GPR39: variants seen among roughly 807,000 people sequenced by gnomAD.
GPR39 encodes G protein-coupled receptor 39, also known as zinc sensing receptor.
Under a neutral mutation model 18.4 loss-of-function variants are expected in GPR39, and 23 were observed. That is an observed-to-expected ratio of 1.25 (90% CI 0.90 to 1.77). GPR39 has a LOEUF of 1.77. Among genes scored for constraint, GPR39 ranks in the 40% most tolerant of loss-of-function variants. GPR39 has a pLI of 0.00. For synonymous variants in GPR39, 280 were observed against 257.9 expected, an observed-to-expected ratio of 1.09 and a Z score of -0.82; for missense variants, 647 against 602.4, an observed-to-expected ratio of 1.07 and a Z score of -0.78.
intron 1 of GPR39, among the ~76,000 whole-genome samples, chr2:132,439,168 T>G (rs1680387771): frequency 6.6e-6 from 1 of 152,216 alleles, no homozygotes; most frequent in Non-Finnish European, 1.5e-5. Context: ...TGAAATTTGA[T>G]TTAAAGCAGC....
intron 1 of GPR39, among the ~76,000 whole-genome samples, chr2:132,567,496 C>T (rs1056761736): frequency 5.3e-5 from 8 of 152,164 alleles, no homozygotes; most frequent in African/African-American, 1.4e-4. Context: ...TCTCTCTGTG[C>T]GATGCCCTGC....
intron 1 of GPR39, among the ~76,000 whole-genome samples, chr2:132,575,509 T>C (rs1680514549): frequency 6.6e-6 from 1 of 152,236 alleles, no homozygotes; most frequent in Admixed American, 6.5e-5. Flanking sequence ...TGTGTTTACT[T>C]TTTAAAGCAA....
At chr2:132,418,731 A>G (rs2315383) in intron 1 of GPR39, among the ~76,000 whole-genome samples, 33,265 of 152,174 alleles carry the variant, frequency 0.22, 3,816 homozygotes, top group African/African-American at 0.27. Context: ...CAGAAGAGGG[A>G]CCTAGTGGCT....
intron 1 of GPR39, among the ~76,000 whole-genome samples, chr2:132,418,984 TGA>T (rs1000248391): frequency 6.6e-6 from 1 of 152,088 alleles, no homozygotes; most frequent in Non-Finnish European, 1.5e-5. Context: ...GAGGTAGACA[TGA>T]GAGAGAGTTG....
chr2:132,638,078 CA>C (rs2104876443), intron 1 of GPR39, among the ~76,000 whole-genome samples: 1 of 148,072 alleles, frequency 6.8e-6, no homozygotes, highest in East Asian at 2.0e-4. Flanking sequence ...GAAATGGAAG[CA>C]AAAAAGGAAA....
intron 1 of GPR39, among the ~76,000 whole-genome samples, chr2:132,514,689 C>T (rs1247141478): frequency 6.6e-6 from 1 of 152,112 alleles, no homozygotes; most frequent in Non-Finnish European, 1.5e-5. Context: ...CCTCTCTACA[C>T]CGTGGAAGAG....
intron 1 of GPR39, among the ~76,000 whole-genome samples, chr2:132,451,068 G>A (rs1188975821): frequency 6.6e-6 from 1 of 152,178 alleles, no homozygotes; most frequent in East Asian, 1.9e-4. Flanking sequence ...TCTGGGAAGA[G>A]GTAGAGGGGA....
intron 1 of GPR39, among the ~76,000 whole-genome samples, chr2:132,536,580 A>G (rs1260652234): frequency 6.6e-6 from 1 of 152,198 alleles, no homozygotes; most frequent in Non-Finnish European, 1.5e-5. Flanking sequence ...GATGTCTATT[A>G]TGTCCACTTG....
chr2:132,514,863 C>G (rs1211350726), intron 1 of GPR39, among the ~76,000 whole-genome samples: 1 of 152,056 alleles, frequency 6.6e-6, no homozygotes, highest in Admixed American at 6.5e-5. Context: ...TTTTTTCTCT[C>G]TGAGTTCTTG....
chr2:132,572,537 T>TA (rs34493979), intron 1 of GPR39, among the ~76,000 whole-genome samples: 4,972 of 132,788 alleles, frequency 0.037, 160 homozygotes, highest in East Asian at 0.16. Flanking sequence ...TAGAAGAGAT[T>TA]AAAAAAAAAA....
In GPR39 at chr2:132,436,967, A is replaced by T. The variant is rs192599421; in HGVS notation, c.856+19069A>T. Among the ~76,000 whole-genome samples, 504 of 152,326 alleles carry T rather than the reference A, an allele frequency of 3.3e-3. 3 individuals are homozygous for T. The highest frequency in any genetic ancestry group is 0.011 in the African/African-American group (456 of 41,564). ...ATTCATTGAATTCTCCCAAGGCCCT[A>T]TGAGGCAGGTGCAGTTAATTATCCT... On this transcript the variant is annotated intron_variant, in intron 1 of 1. Coordinates refer to ENST00000329321, the MANE Select transcript of GPR39 (RefSeq NM_001508.3).
intron 1 of GPR39, among the ~76,000 whole-genome samples, chr2:132,618,584 C>G (rs975511090): frequency 6.6e-6 from 1 of 151,840 alleles, no homozygotes; most frequent in Non-Finnish European, 1.5e-5. Context: ...TGCCAAGGAG[C>G]CCAGGGAAAC....
intron 1 of GPR39, among the ~76,000 whole-genome samples, chr2:132,566,243 G>A (rs1274545547): frequency 6.8e-6 from 1 of 147,092 alleles, no homozygotes; most frequent in Non-Finnish European, 1.5e-5. Context: ...CTTTTTGATG[G>A]GGTTGTTTGT....
At chr2:132,628,898 G>A (rs1207555453) in intron 1 of GPR39, among the ~76,000 whole-genome samples, 2 of 152,124 alleles carry the variant, frequency 1.3e-5, no homozygotes, top group African/African-American at 2.4e-5. Flanking sequence ...CTACTCTGCT[G>A]TACTAGGCAT....
At chr2:132,448,847 C>G (rs1335644739) in intron 1 of GPR39, among the ~76,000 whole-genome samples, 2 of 152,146 alleles carry the variant, frequency 1.3e-5, no homozygotes, top group Admixed American at 6.5e-5. Context: ...CCCAAGGAAT[C>G]TGAAATTGGT....
chr2:132,422,151 A>G (rs549328407), intron 1 of GPR39, among the ~76,000 whole-genome samples: 2 of 152,186 alleles, frequency 1.3e-5, no homozygotes, highest in Non-Finnish European at 2.9e-5. Flanking sequence ...TCTCAGTAAG[A>G]TTATAAAAAG....
At chr2:132,459,287 G>C (rs1366912060) in intron 1 of GPR39, among the ~76,000 whole-genome samples, 1 of 152,166 alleles carries the variant, frequency 6.6e-6, no homozygotes, top group Non-Finnish European at 1.5e-5. Context: ...ACCATATCCA[G>C]GTGGGAAAAC....
intron 1 of GPR39, among the ~76,000 whole-genome samples, chr2:132,577,236 A>G (rs942011735): frequency 6.6e-6 from 1 of 152,116 alleles, no homozygotes; most frequent in Non-Finnish European, 1.5e-5. Flanking sequence ...ACACACCTGT[A>G]GGCCCAGCTA....
At position 132,645,376 on chromosome 2, in the gene GPR39, G is replaced by A. The variant is rs61735719; in HGVS notation, c.1132G>A (p.Ala378Thr). 8.9e-3 allele frequency: 14,307 copies of A among 1,613,844 alleles called. 86 individuals carry two copies. The highest frequency in any genetic ancestry group is 0.011 in the Middle Eastern group (67 of 6,062). ...ANHEKRLRVHAHSTTDSARFV... is the reference protein window; with the variant it reads ...ANHEKRLRVHTHSTTDSARFV... ...CCACGAGAAGCGCCTGCGCGTACAT[G>A]CGCACTCCACCACCGACAGCGCCCG... is the stretch of plus-strand genomic sequence containing the variant. The change falls in exon 2 of 2, where the codon GCG becomes ACG. Residue 378 changes from alanine to threonine, a missense_variant. Transcript: ENST00000329321.
Sources: gnomAD v4.1 joint callset for allele counts (sites outside exome capture counted in the v4.1 genomes callset) on GRCh38, gnomAD v4.1.1 for gene constraint, MANE v1.5 for transcripts, NCBI Gene and HGNC (gene_info 2026-07-23, HGNC 2026-07-21) for gene names.